Variants in ZNF710 observed in about 807,000 individuals in gnomAD.
ZNF710 encodes zinc finger protein 710.
Under a neutral mutation model 50.6 loss-of-function variants are expected in ZNF710, and 13 were observed. The observed-to-expected ratio is 0.26, with a 90% confidence interval of 0.17 to 0.41. The LOEUF (loss-of-function observed/expected upper bound fraction) is 0.41, where lower values mean the gene tolerates loss of function less well. Among genes scored for constraint, ZNF710 ranks in the 10% least tolerant of loss-of-function variants. The pLI is 1.00. For synonymous variants in ZNF710, 383 were observed against 397.0 expected (o/e 0.96, Z 0.42); for missense variants, 721 against 936.6 (o/e 0.77, Z 3.01).
At chr15:90,066,474 ATTTTTT>A (rs71461840) in intron 1 of ZNF710, among the ~76,000 whole-genome samples, 1 of 120,520 alleles carries the variant, frequency 8.3e-6, no homozygotes, top group Non-Finnish European at 1.7e-5. Context: ...ATTTTTAAGG[ATTTTTT>A]TTTTTTTTTT....
Position 90,079,645 on chromosome 15 carries a change from G to A in ZNF710, c.1826-15G>A. ...AGAGATGGCAGCCAGGTCTGACTGT[G>A]CCCCTCTCTTACAGACCCCATGATG... On this transcript the variant is annotated splice_polypyrimidine_tract_variant and intron_variant, in intron 4 of 4. Coordinates refer to ENST00000268154, the MANE Select transcript of ZNF710 (RefSeq NM_198526.4). The A allele has an allele frequency of 1.2e-6, 2 of 1,609,562 alleles. No homozygotes were observed. Among genetic ancestry groups the A allele is most frequent in the Non-Finnish European group, 1.7e-6 (2 of 1,178,292 alleles).
chr15:90,055,352 C>T (rs1470829013), intron 1 of ZNF710, among the ~76,000 whole-genome samples: 1 of 151,990 alleles, frequency 6.6e-6, no homozygotes, highest in Non-Finnish European at 1.5e-5. Flanking sequence ...GTGAAGAGGC[C>T]GTGTGCAGGT....
At chr15:90,071,836 C>T (rs1416531393) in intron 2 of ZNF710, among the ~76,000 whole-genome samples, 1 of 151,894 alleles carries the variant, frequency 6.6e-6, no homozygotes, top group East Asian at 1.9e-4. Context: ...ATACCACGCT[C>T]AGCTAATTAT....
intron 4 of ZNF710, chr15:90,074,742 A>C (rs942147913): frequency 1.5e-5 from 5 of 339,836 alleles, no homozygotes; most frequent in Non-Finnish European, 2.2e-5. Flanking sequence ...TATGGGAAAG[A>C]AAGTTAGAAA....
intron 1 of ZNF710, among the ~76,000 whole-genome samples, chr15:90,048,685 T>A (rs1009147013): frequency 1.3e-5 from 2 of 152,222 alleles, no homozygotes; most frequent in African/African-American, 4.8e-5. Context: ...GAGTTGGATC[T>A]TGTACTTCGT....
chr15:90,008,902 G>A (rs765014624), intron 1 of ZNF710, among the ~76,000 whole-genome samples: 7 of 152,164 alleles, frequency 4.6e-5, no homozygotes, highest in African/African-American at 7.2e-5. Flanking sequence ...GAAATGTGAG[G>A]ATTTTTAGTG....
At chr15:90,060,048 T>C (rs1295904020) in intron 1 of ZNF710, among the ~76,000 whole-genome samples, 1 of 151,988 alleles carries the variant, frequency 6.6e-6, no homozygotes, top group East Asian at 1.9e-4. Context: ...TCTTGCTCTG[T>C]TGGGTCCTGA....
In ZNF710 at chr15:90,049,460, A is replaced by G. The variant is rs1899570134; in HGVS notation, c.-28-17650A>G. The stretch of plus-strand genomic sequence containing the variant: ...CAGCCAGCCATTCGCTTGTTTTATA[A>G]TCATCCCCTCTACTAAAGTCACTTT... On this transcript the variant is annotated intron_variant, in intron 1 of 4. Coordinates refer to ENST00000268154, the MANE Select transcript of ZNF710 (RefSeq NM_198526.4). 1.3e-5 allele frequency among the ~76,000 whole-genome samples: 2 copies of G among 152,132 alleles called. 1 individual carries two copies. The highest frequency in any genetic ancestry group is 3.8e-4 in the East Asian group (2 of 5,196).
intron 4 of ZNF710, among the ~76,000 whole-genome samples, chr15:90,078,822 T>G (rs1739329099): frequency 1.3e-5 from 2 of 152,184 alleles, no homozygotes; most frequent in African/African-American, 4.8e-5. Context: ...AACACGCACA[T>G]CTCAGCGGAC....
Position 90,041,892 on chromosome 15 carries a change from ATTTT to A in ZNF710, c.-28-25198_-28-25195del, listed in dbSNP as rs71151548. Reference sequence around the variant, plus strand: ...TCTGCCCCATGCCTCTTTGTTTTTGATTTTTTTTTTTTTTTTTTTTTTTGAGATA... The same window carrying A: ...TCTGCCCCATGCCTCTTTGTTTTTGATTTTTTTTTTTTTTTTTTTGAGATA... On this transcript the variant is annotated intron_variant, in intron 1 of 4. Transcript: ENST00000268154. 7.5e-3 allele frequency among the ~76,000 whole-genome samples: 827 copies of A among 110,540 alleles called. 5 individuals carry two copies. Among genetic ancestry groups the A allele is most frequent in the African/African-American group, 0.019 (557 of 28,892 alleles). The allele number at this position is 110,540 out of a possible 152,430, so 72.5% of individuals were successfully genotyped here. A position where few individuals can be genotyped will look rare whatever the true frequency, so the allele number is the denominator to read the frequency against.
At chr15:90,051,083 A>G (rs1280791815) in intron 1 of ZNF710, among the ~76,000 whole-genome samples, 1 of 151,858 alleles carries the variant, frequency 6.6e-6, no homozygotes, top group African/African-American at 2.4e-5. Flanking sequence ...TACTAAAAAT[A>G]CAAAAATTAG....
At chr15:90,021,214 C>G (rs2151475175) in intron 1 of ZNF710, among the ~76,000 whole-genome samples, 1 of 152,322 alleles carries the variant, frequency 6.6e-6, no homozygotes, top group East Asian at 1.9e-4. Context: ...CTGCTCTTTT[C>G]CCCACAGGCA....
rs891927774 is a variant in ZNF710, at chr15:90,074,397, T to G, written c.1825+107T>G. On this transcript the variant is annotated intron_variant, in intron 4 of 4. Coordinates refer to ENST00000268154, the MANE Select transcript of ZNF710 (RefSeq NM_198526.4). ...TGGGGAGGCTGGCCAAGGCTGAGAC[T>G]TCGTTGGGGTGGGCTCAGGTCTGGA... 3.2e-6 allele frequency: 5 copies of G among 1,568,688 alleles called. No individual in the cohort carries two copies. In the African/African-American group the frequency reaches 6.7e-5, roughly 21 times the overall value.
At chr15:90,036,200 G>A (rs1040411546) in intron 1 of ZNF710, among the ~76,000 whole-genome samples, 6 of 150,902 alleles carry the variant, frequency 4.0e-5, no homozygotes, top group African/African-American at 7.3e-5. Flanking sequence ...CTCCCCTCCC[G>A]TTCCTCCTTT....
intron 1 of ZNF710, chr15:90,002,462 C>T (rs1261113896): frequency 1.3e-5 from 2 of 152,502 alleles, no homozygotes; most frequent in Non-Finnish European, 2.9e-5. Context: ...TCCTCGTCGC[C>T]CTCTCTCCGT....
intron 1 of ZNF710, among the ~76,000 whole-genome samples, chr15:90,041,223 A>G (rs1379431369): frequency 2.0e-5 from 3 of 151,652 alleles, no homozygotes; most frequent in South Asian, 4.2e-4. Context: ...GTTTTTAGAG[A>G]TAGGGTCTCA....
intron 1 of ZNF710, among the ~76,000 whole-genome samples, chr15:90,042,839 G>A (rs929510916): frequency 5.3e-5 from 8 of 152,248 alleles, no homozygotes; most frequent in Admixed American, 2.6e-4. Flanking sequence ...GTTAGGGCAC[G>A]TATATTGCAC....
intron 1 of ZNF710, among the ~76,000 whole-genome samples, chr15:90,021,702 G>C (rs1458245569): frequency 6.6e-6 from 1 of 152,196 alleles, no homozygotes; most frequent in Non-Finnish European, 1.5e-5. Flanking sequence ...AAAAGCACAG[G>C]AAGTTAGCTC....
intron 1 of ZNF710, among the ~76,000 whole-genome samples, chr15:90,021,671 CTAGATATTGGATA>C (rs947598760): frequency 1.7e-4 from 26 of 152,272 alleles, no homozygotes; most frequent in Admixed American, 1.3e-3. Context: ...AGAAGGGGTA[CTAGATATTGGATA>C]TAGACACAAA....
Sources: gnomAD v4.1 joint callset for allele counts (sites outside exome capture counted in the v4.1 genomes callset) on GRCh38, gnomAD v4.1.1 for gene constraint, MANE v1.5 for transcripts, NCBI Gene and HGNC (gene_info 2026-07-23, HGNC 2026-07-21) for gene names.